The following PCDHGA3 variants were observed in gnomAD, a reference collection of about 807,000 sequenced individuals.
PCDHGA3 encodes protocadherin gamma-A3.
PCDHGA3 carries 40 observed loss-of-function variants against 58.5 expected under a neutral mutation model. The observed-to-expected ratio is 0.68, with a 90% confidence interval of 0.53 to 0.89. The LOEUF is 0.89. Among genes scored for constraint, PCDHGA3 ranks in the 40% least tolerant of loss-of-function variants. PCDHGA3 has a pLI of 0.00. For missense variants in PCDHGA3, 1,223 were observed against 1,195.9 expected (o/e 1.02, Z -0.33); for synonymous variants, 530 against 525.7 (o/e 1.01, Z -0.11).
intron 1 of PCDHGA3, chr5:141,392,699 T>C: frequency 2.4e-6 from 3 of 1,248,768 alleles, no homozygotes; most frequent in South Asian, 3.3e-5. Context: ...CGACCCCTGT[T>C]TGGAGGCACT....
chr5:141,376,675 CG>C (rs1228548126), intron 1 of PCDHGA3: 139 of 345,036 alleles, frequency 4.0e-4, no homozygotes, highest in South Asian at 5.8e-4. Context: ...GTGAGGGTAT[CG>C]TTTTTTTTTT....
chr5:141,459,595 T>C (rs904266180), intron 1 of PCDHGA3, among the ~76,000 whole-genome samples: 10 of 152,232 alleles, frequency 6.6e-5, no homozygotes, highest in African/African-American at 9.6e-5. Context: ...TCATATGAAA[T>C]GGGAAGTATA....
chr5:141,450,645 C>T (rs2098688869), intron 1 of PCDHGA3, among the ~76,000 whole-genome samples: 2 of 151,618 alleles, frequency 1.3e-5, no homozygotes, highest in Non-Finnish European at 2.9e-5. Context: ...TGCCACCATG[C>T]CTGGCTAATT....
At chr5:141,422,127 A>G (rs779974245) in intron 1 of PCDHGA3, 1 of 1,600,944 alleles carries the variant, frequency 6.2e-7, no homozygotes. Context: ...CACAAACTGG[A>G]GAAGTTCAAG....
At chr5:141,414,305 A>G (rs2095732833) in intron 1 of PCDHGA3, 2 of 1,613,604 alleles carry the variant, frequency 1.2e-6, no homozygotes, top group African/African-American at 2.7e-5. Flanking sequence ...AATGTGCATG[A>G]TTTAGACTCT....
At chr5:141,444,880 G>C (rs527554886) in intron 1 of PCDHGA3, among the ~76,000 whole-genome samples, 5 of 152,268 alleles carry the variant, frequency 3.3e-5, no homozygotes, top group Admixed American at 1.3e-4. Flanking sequence ...AAGCTTGTAG[G>C]ATTTTTGAAT....
At chr5:141,374,679 C>CAAGT (rs755200801) in intron 1 of PCDHGA3, 1 of 1,610,324 alleles carries the variant, frequency 6.2e-7, no homozygotes, top group Admixed American at 1.7e-5. Context: ...CTGGAGGGCA[C>CAAGT]ACTGGACCGG....
In PCDHGA3 at chr5:141,418,429, A is replaced by G. The variant is rs765952024; in HGVS notation, c.2424+71972A>G. ...AGAAAGACAATCCTGATGGTGGCAAATATCCAGAATTAGTATTGCAGAAGA... is the reference window on the plus strand; with the variant it reads ...AGAAAGACAATCCTGATGGTGGCAAGTATCCAGAATTAGTATTGCAGAAGA... On this transcript the variant is annotated intron_variant, in intron 1 of 3. Transcript: ENST00000253812. 8.7e-6 allele frequency: 14 copies of G among 1,613,972 alleles called. No homozygotes were observed. In the South Asian group the frequency reaches 1.5e-4, roughly 18 times the overall value.
intron 1 of PCDHGA3, chr5:141,427,831 G>A (rs2097077070): frequency 6.5e-7 from 1 of 1,539,366 alleles, no homozygotes; most frequent in East Asian, 2.2e-5. Context: ...GTCGCGCAGC[G>A]TGCCTTCGAC....
At chr5:141,478,177 A>G (rs769503109) in intron 1 of PCDHGA3, 1 of 1,613,988 alleles carries the variant, frequency 6.2e-7, no homozygotes, top group South Asian at 1.1e-5. Context: ...GGGAGCAGAA[A>G]AAAAATCTCA....
intron 2 of PCDHGA3, among the ~76,000 whole-genome samples, chr5:141,497,478 C>T (rs974494984): frequency 6.0e-5 from 9 of 150,954 alleles, no homozygotes; most frequent in South Asian, 4.2e-4. Context: ...GGAGAAGGTG[C>T]GGAACCTCTC....
intron 1 of PCDHGA3, chr5:141,397,952 C>A: frequency 1.0e-6 from 1 of 959,530 alleles, no homozygotes; most frequent in Non-Finnish European, 1.5e-6. Context: ...CCAGGGCAGC[C>A]CCAGCTCAGA....
At chr5:141,385,262 A>C (rs746220376) in intron 1 of PCDHGA3, 5 of 1,613,732 alleles carry the variant, frequency 3.1e-6, no homozygotes, top group Non-Finnish European at 4.2e-6. Flanking sequence ...TGTGAGAAAA[A>C]TGATTCTTTG....
chr5:141,357,964 C>T (rs12386471), intron 1 of PCDHGA3, among the ~76,000 whole-genome samples: 21,408 of 152,030 alleles, frequency 0.14, 2,088 homozygotes, highest in African/African-American at 0.28. Flanking sequence ...GTGAGGAGGA[C>T]GGATTGCCTG....
intron 1 of PCDHGA3, among the ~76,000 whole-genome samples, chr5:141,346,774 C>T (rs1757801314): frequency 6.6e-6 from 1 of 152,160 alleles, no homozygotes. Flanking sequence ...CTACCTGGGT[C>T]CTTGAGTAAC....
In PCDHGA3 at chr5:141,500,954, C is replaced by T. The variant is rs536993707; in HGVS notation, c.2484-4439C>T. On this transcript the variant is annotated intron_variant, in intron 2 of 3. Coordinates refer to ENST00000253812, the MANE Select transcript of PCDHGA3 (RefSeq NM_018916.4). Reference sequence around the variant, plus strand: ...CGCCATCTCGGCTCACTGCAAGCTCCACCTCCTGGGTTCAAGCAATTCTCC... The same window carrying T: ...CGCCATCTCGGCTCACTGCAAGCTCTACCTCCTGGGTTCAAGCAATTCTCC... Among the ~76,000 whole-genome samples the T allele has an allele frequency of 2.4e-3, 358 of 152,060 alleles. 1 individual carries two copies. The highest frequency in any genetic ancestry group is 4.1e-3 in the Admixed American group (63 of 15,282).
At chr5:141,374,916 C>T in intron 1 of PCDHGA3, 2 of 1,613,924 alleles carry the variant, frequency 1.2e-6, no homozygotes, top group Non-Finnish European at 1.7e-6. Flanking sequence ...GGGGAAGTAA[C>T]TTATTCCTTT....
At chr5:141,375,731 C>G in intron 1 of PCDHGA3, 2 of 1,614,256 alleles carry the variant, frequency 1.2e-6, no homozygotes, top group Non-Finnish European at 1.7e-6. Context: ...GTCACTGAGC[C>G]TGTTTGTGCT....
intron 1 of PCDHGA3, among the ~76,000 whole-genome samples, chr5:141,488,534 A>C (rs1169478867): frequency 1.3e-5 from 2 of 152,292 alleles, no homozygotes; most frequent in East Asian, 3.9e-4. Flanking sequence ...AGAAAAGCTA[A>C]GTCCCATGTC....
Sources: allele counts gnomAD v4.1 joint callset (sites outside exome capture counted in the v4.1 genomes callset), GRCh38; gene constraint gnomAD v4.1.1; transcripts MANE v1.5; gene names NCBI Gene and HGNC (gene_info 2026-07-23, HGNC 2026-07-21).